Variants in PENK observed in about 807,000 individuals in gnomAD.
PENK encodes the protein proenkephalin.
PENK carries 25 observed loss-of-function variants against 24.1 expected under a neutral mutation model. The observed-to-expected ratio is 1.04, with a 90% CI of 0.76 to 1.45. The LOEUF is 1.45. Among genes scored for constraint, PENK ranks in the 40% most tolerant of loss-of-function variants. PENK has a pLI of 0.00. For synonymous variants in PENK, 135 were observed against 130.3 expected (o/e 1.04, Z -0.24); for missense variants, 353 against 337.9 (o/e 1.04, Z -0.35).
chr8:56,445,977 G>A lies in PENK; in HGVS notation c.-3-21C>T, dbSNP rs1407907498. 3.2e-6 allele frequency: 5 copies of A among 1,566,904 alleles called. No individual in the cohort carries two copies. In the South Asian group the frequency reaches 5.9e-5, roughly 18 times the overall value. Reference sequence around the variant, plus strand: ...ATGGACTGCGAGGAGAGAGGGACGCGTGCTTCGAGCCTGCCTGGGCGCAGA... The same window carrying A: ...ATGGACTGCGAGGAGAGAGGGACGCATGCTTCGAGCCTGCCTGGGCGCAGA... On this transcript the variant is annotated intron_variant, in intron 2 of 3. Transcript: ENST00000451791.
rs890130005 is a variant in PENK at position 56,441,322 on chromosome 8, T to C, written c.754A>G (p.Lys252Glu). The change falls in exon 4 of 4, where the codon AAA becomes GAA. Residue 252 changes from lysine (K) to glutamate (E), a missense_variant. Coordinates refer to ENST00000451791, the MANE Select transcript of PENK (RefSeq NM_001135690.3). The part of the protein sequence containing the change: ...PSDEEGESYS[K>E]EVPEMEKRYG... ...CTTTTTTCCATTTCAGGAACTTCTT[T>C]GGAGTAACTTTCGCCTTCTTCGTCG... is the stretch of plus-strand genomic sequence containing the variant. The C allele has an allele frequency of 6.2e-7, 1 of 1,611,912 alleles. No homozygotes were observed. Among genetic ancestry groups the C allele is most frequent in the Non-Finnish European group, 8.5e-7 (1 of 1,179,408 alleles).
rs1450607518 is a variant in PENK, at chr8:56,445,814, A to T, written c.138+2T>A. Reference sequence around the variant, plus strand: ...GCAACACTCGCCGCGCGCAACACTCACCAGGAAGTTGATGTCGGCCGGGCG... The same window carrying T: ...GCAACACTCGCCGCGCGCAACACTCTCCAGGAAGTTGATGTCGGCCGGGCG... On this transcript the variant is annotated splice_donor_variant, in intron 3 of 3. Transcript: ENST00000451791. LOFTEE classifies it high-confidence loss of function. The T allele has an allele frequency of 2.5e-6, 4 of 1,613,126 alleles. No homozygotes were observed. Among genetic ancestry groups the T allele is most frequent in the Middle Eastern group, 1.6e-4 (1 of 6,084 alleles).
chr8:56,444,634 G>A (rs1804620247), intron 3 of PENK, among the ~76,000 whole-genome samples: 1 of 152,230 alleles, frequency 6.6e-6, no homozygotes, highest in Non-Finnish European at 1.5e-5. Flanking sequence ...TTTTCTCATA[G>A]TTTAAATATA....
At position 56,445,796 on chromosome 8, in the gene PENK, T is replaced by C; in HGVS notation, c.138+20A>G. On this transcript the variant is annotated intron_variant, in intron 3 of 3. Transcript: ENST00000451791. ...CTCTGTCTCACAAGGTGCGCAACACTCGCCGCGCGCAACACTCACCAGGAA... is the reference window on the plus strand; with the variant it reads ...CTCTGTCTCACAAGGTGCGCAACACCCGCCGCGCGCAACACTCACCAGGAA... The C allele has an allele frequency of 1.2e-6, 2 of 1,613,138 alleles. No individual in the cohort carries two copies. Among genetic ancestry groups the C allele is most frequent in the Non-Finnish European group, 8.5e-7 (1 of 1,179,810 alleles).
intron 3 of PENK, 174 bp downstream of exon 3, chr8:56,445,642 G>T (rs776782733): frequency 1.3e-6 from 1 of 772,142 alleles, no homozygotes; most frequent in South Asian, 1.6e-5. Context: ...CAGGACTTCA[G>T]TCAGTGTTCC....
In PENK at chr8:56,441,629, C is replaced by G. The variant is rs367810374; in HGVS notation, c.447G>C (p.Ser149=). The change falls in exon 4 of 4, where the codon TCG becomes TCC. Residue 149 remains serine, a synonymous_variant. Transcript: ENST00000451791. ...TTAGCAGGTCTGAGGAATTGGCCAG[C>G]GAGTCGTCCTCCTCTGCATCCTTCT... The part of the protein sequence containing the change: ...FMKKDAEEDD[S]LANSSDLLKE... 1.2e-6 allele frequency: 2 copies of G among 1,613,992 alleles called. No individual in the cohort carries two copies. The highest frequency in any genetic ancestry group is 1.7e-6 in the Non-Finnish European group (2 of 1,180,030).
At position 56,445,820 on chromosome 8, in the gene PENK, A is replaced by G. The variant is rs200535254; in HGVS notation, c.134T>C (p.Phe45Ser). The G allele has an allele frequency of 5.3e-5, 85 of 1,613,412 alleles. No homozygotes were observed. In the East Asian group the frequency reaches 1.9e-3, roughly 36 times the overall value. ...CTCGCCGCGCGCAACACTCACCAGGAAGTTGATGTCGGCCGGGCGCACTAG... is the reference window on the plus strand; with the variant it reads ...CTCGCCGCGCGCAACACTCACCAGGGAGTTGATGTCGGCCGGGCGCACTAG... ...YRLVRPADIN[F>S]LACVMECEGK... The change falls in exon 3 of 4, where the codon TTC becomes TCC. Residue 45 changes from phenylalanine (F) to serine (S), a missense_variant. Phe to Ser is a radical substitution (Grantham distance 155). Transcript: ENST00000451791.
At chr8:56,445,696 G>A (rs755541493) in intron 3 of PENK, 120 bp downstream of exon 3, 1 of 1,327,050 alleles carries the variant, frequency 7.5e-7, no homozygotes, top group South Asian at 1.2e-5. Context: ...TCGCGCCGCT[G>A]CGGCTCCGAC....
chr8:56,441,336 CCTT>C lies in PENK; in HGVS notation c.737_739del (p.Glu246del). 3 of 1,613,488 alleles carry C rather than the reference CCTT, an allele frequency of 1.9e-6. No individual in the cohort carries two copies. The highest frequency in any genetic ancestry group is 2.5e-6 in the Non-Finnish European group (3 of 1,179,830). ...AGGAACTTCTTTGGAGTAACTTTCG[CCTT>C]CTTCGTCGGAGGGCAGAGCCTCGGC... On this transcript the variant is annotated inframe_deletion, in exon 4 of 4. Transcript: ENST00000451791.
In PENK at chr8:56,445,805, G is replaced by GCA; in HGVS notation, c.138+9_138+10dup. On this transcript the variant is annotated intron_variant, in intron 3 of 3. Coordinates refer to ENST00000451791, the MANE Select transcript of PENK (RefSeq NM_001135690.3). ...ACAAGGTGCGCAACACTCGCCGCGCGCAACACTCACCAGGAAGTTGATGTC... is the reference window on the plus strand; with the variant it reads ...ACAAGGTGCGCAACACTCGCCGCGCGCACAACACTCACCAGGAAGTTGATGTC... 1 of 1,613,302 alleles carries GCA rather than the reference G, an allele frequency of 6.2e-7. No individual in the cohort carries two copies. Among genetic ancestry groups the GCA allele is most frequent in the Non-Finnish European group, 8.5e-7 (1 of 1,179,848 alleles).
intron 3 of PENK, 87 bp downstream of exon 3, chr8:56,445,729 C>T: frequency 6.4e-6 from 10 of 1,566,492 alleles, no homozygotes; most frequent in Non-Finnish European, 7.0e-6. Flanking sequence ...GCCATACGCG[C>T]CGCGCGGTGG....
rs1323822327 is a variant in PENK, at chr8:56,445,891, G to A, written c.63C>T (p.Thr21=). 6.2e-7 allele frequency: 1 copy of A among 1,612,870 alleles called. No homozygotes were observed. Among genetic ancestry groups the A allele is most frequent in the South Asian group, 1.1e-5 (1 of 91,040 alleles). Residue 21 remains threonine, a synonymous_variant, in exon 3 of 4, where the codon ACC becomes ACT. Transcript: ENST00000451791. The part of the protein sequence containing the change: ...LLLLGPGLLA[T]VRAECSQDCA... The stretch of plus-strand genomic sequence containing the variant: ...AATCCTGGCTGCATTCGGCCCGCAC[G>A]GTCGCCAGGAGCCCGGGGCCGAGCA...
rs116065597 is a variant in PENK, at chr8:56,443,897, C to T, written c.138+1919G>A. 4,495 of 690,392 alleles carry T rather than the reference C, an allele frequency of 6.5e-3. 103 individuals are homozygous for T. The highest frequency in any genetic ancestry group is 0.06 in the African/African-American group (3,403 of 56,980). 42.8% of individuals were successfully genotyped at this position (690,392 alleles called of 1,614,324 possible). On this transcript the variant is annotated intron_variant, in intron 3 of 3. Transcript: ENST00000451791. The stretch of plus-strand genomic sequence containing the variant: ...TTTTTTTCAAGTTGCTAACACTACA[C>T]GTGCCATTCCATCACCTGGATTAAA...
intron 3 of PENK, chr8:56,444,123 T>A: frequency 1.9e-6 from 1 of 522,810 alleles, no homozygotes. Context: ...CTCAAGTTCC[T>A]CAACAATGCA....
chr8:56,442,683 A>G (rs1804581805), intron 3 of PENK, among the ~76,000 whole-genome samples: 1 of 152,102 alleles, frequency 6.6e-6, no homozygotes, highest in Non-Finnish European at 1.5e-5. Context: ...ATCAGATATA[A>G]AATTATACAA....
chr8:56,446,444 G>C lies in PENK; in HGVS notation c.-22C>G, dbSNP rs1230907458. The stretch of plus-strand genomic sequence containing the variant: ...CACTCACGTTGACGCTGTTCGGATG[G>C]AGCAGGCCAATTGGAAAAGCCGGGT... On this transcript the variant is annotated 5_prime_UTR_variant, in exon 2 of 4. Transcript: ENST00000451791. The C allele has an allele frequency of 1.3e-5, 2 of 159,962 alleles. No homozygotes were observed. Among genetic ancestry groups the C allele is most frequent in the Non-Finnish European group, 1.4e-5 (1 of 72,946 alleles). The allele number at this position is 159,962 out of a possible 1,614,324, so 9.9% of individuals were successfully genotyped here.
intron 3 of PENK, chr8:56,443,774 G>A: frequency 2.3e-6 from 1 of 429,358 alleles, no homozygotes; most frequent in Non-Finnish European, 4.1e-6. Flanking sequence ...TTGTCATTGA[G>A]ACAATAACAA....
intron 2 of PENK, chr8:56,446,212 G>C (rs1377015146): frequency 7.8e-6 from 4 of 513,568 alleles, no homozygotes; most frequent in Non-Finnish European, 1.4e-5. Context: ...TCTTTTCCTG[G>C]GCGTCCGCGG....
Position 56,445,973 on chromosome 8 carries a change from A to T in PENK, c.-3-17T>A. Reference sequence around the variant, plus strand: ...CGCCATGGACTGCGAGGAGAGAGGGACGCGTGCTTCGAGCCTGCCTGGGCG... The same window carrying T: ...CGCCATGGACTGCGAGGAGAGAGGGTCGCGTGCTTCGAGCCTGCCTGGGCG... On this transcript the variant is annotated splice_polypyrimidine_tract_variant and intron_variant, in intron 2 of 3. Transcript: ENST00000451791. The T allele has an allele frequency of 1.3e-6, 2 of 1,578,886 alleles. No individual in the cohort carries two copies. The highest frequency in any genetic ancestry group is 8.6e-7 in the Non-Finnish European group (1 of 1,161,942).
Sources: gnomAD v4.1 joint callset for allele counts (sites outside exome capture counted in the v4.1 genomes callset) on GRCh38, gnomAD v4.1.1 for gene constraint, MANE v1.5 for transcripts, NCBI Gene and HGNC (gene_info 2026-07-23, HGNC 2026-07-21) for gene names.